GDPD4: variants seen among roughly 807,000 people sequenced by gnomAD.
The protein encoded by GDPD4 is glycerophosphodiester phosphodiesterase 6.
In GDPD4, 60 loss-of-function variants were observed where a neutral mutation model predicts 67.8. The ratio of observed to expected loss-of-function variants is 0.88; its 90% CI spans 0.72 to 1.10. The LOEUF is 1.10. Ranked by LOEUF, GDPD4 falls within the 50% of genes least tolerant of loss-of-function variation. The pLI is 0.00. For missense variants in GDPD4, 623 were observed against 613.9 expected, an observed-to-expected ratio of 1.01 and a Z score of -0.16; for synonymous variants, 212 against 210.9, an observed-to-expected ratio of 1.00 and a Z score of -0.04.
chr11:77,294,959 GCTTTT>G (rs1937899979), intron 1 of GDPD4, among the ~76,000 whole-genome samples: 1 of 94,318 alleles, frequency 1.1e-5, no homozygotes, highest in Non-Finnish European at 2.1e-5. Context: ...CTACAACTTT[GCTTTT>G]TTTTTTTTTT....
intron 1 of GDPD4, among the ~76,000 whole-genome samples, chr11:77,291,728 T>A (rs1338521669): frequency 1.3e-5 from 2 of 152,214 alleles, no homozygotes; most frequent in Admixed American, 6.5e-5. Context: ...ATTTGAGAGT[T>A]AATATATAAT....
At chr11:77,281,708 G>T (rs1156346151) in intron 3 of GDPD4, among the ~76,000 whole-genome samples, 2 of 152,158 alleles carry the variant, frequency 1.3e-5, no homozygotes, top group Non-Finnish European at 2.9e-5. Context: ...AACACACTTT[G>T]ATTTGGAACC....
At chr11:77,243,893 C>T (rs770655172) in intron 12 of GDPD4, 45 bp from the exon 13 acceptor site, 5 of 1,385,082 alleles carry the variant, frequency 3.6e-6, no homozygotes, top group Non-Finnish European at 4.1e-6. Flanking sequence ...ATCAGCTATC[C>T]AGGTACGAAC....
chr11:77,267,732 G>A (rs1482864227), intron 10 of GDPD4, among the ~76,000 whole-genome samples: 1 of 152,088 alleles, frequency 6.6e-6, no homozygotes, highest in Admixed American at 6.6e-5. Context: ...CCAGACATGT[G>A]TTTTACAAAT....
intron 16 of GDPD4, among the ~76,000 whole-genome samples, chr11:77,226,915 C>T (rs1259104242): frequency 1.3e-5 from 2 of 152,128 alleles, no homozygotes; most frequent in East Asian, 3.8e-4. Context: ...TCCTGCAACC[C>T]TAAGTGTTGT....
intron 5 of GDPD4, among the ~76,000 whole-genome samples, chr11:77,274,874 T>C (rs549917342): frequency 6.6e-6 from 1 of 152,250 alleles, no homozygotes; most frequent in Admixed American, 6.5e-5. Flanking sequence ...GAGTGATAGT[T>C]ACCAAGGGCT....
rs772043835 is a variant in GDPD4, at chr11:77,217,189, G to C, written c.*88C>G. The C allele has an allele frequency of 3.6e-5, 35 of 981,320 alleles. No homozygotes were observed. The highest frequency in any genetic ancestry group is 5.0e-5 in the Non-Finnish European group (30 of 602,106). The allele number at this position is 981,320 out of a possible 1,614,324, so 60.8% of individuals were successfully genotyped here. On this transcript the variant is annotated 3_prime_UTR_variant, in exon 17 of 17. Transcript: ENST00000315938. ...GGCCTTGGTGTTCCTTTCCACTCTT[G>C]GGTAGAGCCGGGTAGAGGGCTGCTA...
chr11:77,281,869 G>A (rs1959768813), intron 3 of GDPD4, among the ~76,000 whole-genome samples: 1 of 152,012 alleles, frequency 6.6e-6, no homozygotes, highest in Non-Finnish European at 1.5e-5. Flanking sequence ...CACAGCTTAG[G>A]CCTCTCCCTA....
In GDPD4 at chr11:77,271,167, C is replaced by T. The variant is rs1591564910; in HGVS notation, c.363G>A (p.Trp121Ter). Residue 121 changes from tryptophan to a stop codon, truncating the protein, a stop_gained, in exon 7 of 17, where the codon TGG (tryptophan) becomes TGA (stop). Coordinates refer to ENST00000315938, the MANE Select transcript of GDPD4 (RefSeq NM_182833.3). LOFTEE classifies it high-confidence loss of function. The stretch of plus-strand genomic sequence containing the variant: ...AACATGCCACGTAGAAGGCCACAGG[C>T]CAGAAAAGGATAACCATCACAGTTA... The part of the protein sequence containing the change: ...VSITVMVILF[W>*]PVAFYVACLE... The T allele has an allele frequency of 1.2e-6, 2 of 1,612,884 alleles. No homozygotes were observed. Among genetic ancestry groups the T allele is most frequent in the East Asian group, 4.5e-5 (2 of 44,882 alleles).
At chr11:77,255,815 C>T (rs1381599789) in intron 11 of GDPD4, among the ~76,000 whole-genome samples, 3 of 151,414 alleles carry the variant, frequency 2.0e-5, no homozygotes, top group Admixed American at 1.3e-4. Flanking sequence ...TGCAGTGAGC[C>T]GAGATCACAC....
chr11:77,289,782 G>A (rs1400356510), intron 1 of GDPD4, among the ~76,000 whole-genome samples: 1 of 135,144 alleles, frequency 7.4e-6, no homozygotes, highest in Admixed American at 7.5e-5. Flanking sequence ...GCGAGGGAGG[G>A]GAGGGAAAGA....
Position 77,269,081 on chromosome 11 carries a change from G to C in GDPD4, c.479-12C>G, listed in dbSNP as rs750254734. 6.2e-7 allele frequency: 1 copy of C among 1,611,262 alleles called. No homozygotes were observed. ...AGGCACTTGTAGACCTGAAAAATTTGAAAGGAAGGGGAAGTGGGGGAAAAA... is the reference window on the plus strand; with the variant it reads ...AGGCACTTGTAGACCTGAAAAATTTCAAAGGAAGGGGAAGTGGGGGAAAAA... On this transcript the variant is annotated splice_polypyrimidine_tract_variant and intron_variant, in intron 8 of 16. Transcript: ENST00000315938.
At chr11:77,232,628 T>A (rs1958474995) in intron 14 of GDPD4, among the ~76,000 whole-genome samples, 1 of 152,204 alleles carries the variant, frequency 6.6e-6, no homozygotes, top group African/African-American at 2.4e-5. Context: ...TTGTCAATTG[T>A]TGCCATGCCT....
At chr11:77,281,894 C>T (rs183490809) in intron 3 of GDPD4, among the ~76,000 whole-genome samples, 11 of 151,962 alleles carry the variant, frequency 7.2e-5, no homozygotes, top group South Asian at 2.1e-4. Flanking sequence ...TCCTCTTCTA[C>T]GGCACACGTA....
intron 3 of GDPD4, 54 bp downstream of exon 3, chr11:77,285,031 G>A (rs1959935145): frequency 8.0e-7 from 1 of 1,244,060 alleles, no homozygotes. Context: ...AATCCAGGTG[G>A]CTATCAGACC....
At chr11:77,298,618 G>A (rs915872011) in intron 1 of GDPD4, among the ~76,000 whole-genome samples, 1 of 152,148 alleles carries the variant, frequency 6.6e-6, no homozygotes, top group Non-Finnish European at 1.5e-5. Context: ...AACTTGTTTT[G>A]AAGTCTTATA....
At chr11:77,257,588 CACA>C (rs1959028723) in intron 11 of GDPD4, among the ~76,000 whole-genome samples, 1 of 151,388 alleles carries the variant, frequency 6.6e-6, no homozygotes. Flanking sequence ...CACACACACA[CACA>C]CACCCTGTTG....
chr11:77,287,198 A>G lies in GDPD4; in HGVS notation c.-51+20T>C, dbSNP rs1299287988. On this transcript the variant is annotated intron_variant, in intron 2 of 16. Transcript: ENST00000315938. Reference sequence around the variant, plus strand: ...CCCCGCATCTGAGAAAATGTGGTCCAGCTCCTTATCAGTCTGTACCCAAGT... The same window carrying G: ...CCCCGCATCTGAGAAAATGTGGTCCGGCTCCTTATCAGTCTGTACCCAAGT... 6.6e-6 allele frequency: 1 copy of G among 152,232 alleles called. No individual in the cohort carries two copies. Among genetic ancestry groups the G allele is most frequent in the East Asian group, 1.9e-4 (1 of 5,190 alleles). 9.4% of individuals were successfully genotyped at this position (152,232 alleles called of 1,614,324 possible). A position where few individuals can be genotyped will look rare whatever the true frequency, so the allele number is the denominator to read the frequency against.
At position 77,216,677 on chromosome 11, in the gene GDPD4, TCCCCTTGCCTAG is replaced by T; in HGVS notation, c.*588_*599del. On this transcript the variant is annotated 3_prime_UTR_variant, in exon 17 of 17. Coordinates refer to ENST00000315938, the MANE Select transcript of GDPD4 (RefSeq NM_182833.3). ...GTTCCAAGACCACACACAGCAGTTT[TCCCCTTGCCTAG>T]CCCCTTGAGATGCATTCTTGATAGC... 1.9e-6 allele frequency: 1 copy of T among 527,186 alleles called. No individual in the cohort carries two copies. Among genetic ancestry groups the T allele is most frequent in the Non-Finnish European group, 3.4e-6 (1 of 295,100 alleles). The allele number at this position is 527,186 out of a possible 1,614,324, so 32.7% of individuals were successfully genotyped here. A position where few individuals can be genotyped will look rare whatever the true frequency, so the allele number is the denominator to read the frequency against.
Sources: gnomAD v4.1 joint callset for allele counts (sites outside exome capture counted in the v4.1 genomes callset) on GRCh38, gnomAD v4.1.1 for gene constraint, MANE v1.5 for transcripts, NCBI Gene and HGNC (gene_info 2026-07-23, HGNC 2026-07-21) for gene names.